The following RHBDD1 variants were observed in gnomAD, a reference collection of about 807,000 sequenced individuals.
The protein encoded by RHBDD1 is rhomboid-related protein 4.
Under a neutral mutation model 36.3 loss-of-function variants are expected in RHBDD1, and 38 were observed. The ratio of observed to expected loss-of-function variants is 1.05; its 90% CI spans 0.81 to 1.37. RHBDD1 has a LOEUF of 1.37. Ranked by LOEUF, RHBDD1 falls within the 40% of genes most tolerant of loss-of-function variation. The probability of loss-of-function intolerance (pLI) is 0.00; values close to 1 mark genes in which losing one functional copy is unlikely to be tolerated. For synonymous variants in RHBDD1, 151 were observed against 136.5 expected (o/e 1.11, Z -0.74); for missense variants, 393 against 377.6 (o/e 1.04, Z -0.34).
At chr2:226,820,456 A>G in the RHBDD1 span, among the ~76,000 whole-genome samples, 1 of 152,116 alleles carries the variant, frequency 6.6e-6, no homozygotes, top group Non-Finnish European at 1.5e-5. Context: ...GCTCAGTCTT[A>G]TATTTCTCAG....
At chr2:226,914,516 A>G (rs950494017) in intron 8 of RHBDD1, 165 bp downstream of exon 8, 10 of 704,220 alleles carry the variant, frequency 1.4e-5, no homozygotes, top group Admixed American at 6.3e-5. Context: ...GTGTGATGCC[A>G]TATTCCCAGC....
intron 1 of RHBDD1, among the ~76,000 whole-genome samples, chr2:226,836,658 CTT>C (rs1381691956): frequency 6.6e-6 from 1 of 152,192 alleles, no homozygotes; most frequent in African/African-American, 2.4e-5. Flanking sequence ...AGCATAAACT[CTT>C]TTGAAGACTC....
intron 8 of RHBDD1, among the ~76,000 whole-genome samples, chr2:226,983,611 T>A (rs1375083303): frequency 6.6e-6 from 1 of 152,238 alleles, no homozygotes; most frequent in Non-Finnish European, 1.5e-5. Context: ...CTTTTCCCAC[T>A]GGCTTGTCTT....
chr2:226,988,153 C>T (rs1957410443), intron 8 of RHBDD1, among the ~76,000 whole-genome samples: 1 of 152,206 alleles, frequency 6.6e-6, no homozygotes, highest in South Asian at 2.1e-4. Flanking sequence ...CATTTAAACA[C>T]TCTTGCCCTC....
At position 226,997,130 on chromosome 2, in the gene RHBDD1, G is replaced by A. The variant is rs773800341; in HGVS notation, c.*1608G>A. The A allele has an allele frequency of 3.3e-5, 5 of 152,212 alleles. No homozygotes were observed. The highest frequency in any genetic ancestry group is 7.3e-5 in the Non-Finnish European group (5 of 68,044). The allele number at this position is 152,212 out of a possible 1,614,324, so 9.4% of individuals were successfully genotyped here. On this transcript the variant is annotated 3_prime_UTR_variant, in exon 9 of 9. Transcript: ENST00000392062. ...TAAGAAAACCACTGGAGCCTTGGGA[G>A]CTCTTTGGCCTCCTGGCTGGCCCAG...
chr2:226,857,100 T>A (rs1296382188), intron 3 of RHBDD1, among the ~76,000 whole-genome samples: 1 of 97,052 alleles, frequency 1.0e-5, no homozygotes, highest in African/African-American at 1.2e-4. Context: ...TAAGAGAGTG[T>A]GTGTGTGTGT....
intron 8 of RHBDD1, among the ~76,000 whole-genome samples, chr2:226,933,494 C>G (rs1415042270): frequency 6.6e-6 from 1 of 152,056 alleles, no homozygotes; most frequent in Non-Finnish European, 1.5e-5. Context: ...CCCTTGCTGG[C>G]TTACAGTCAG....
chr2:226,883,520 GT>G (rs1238093748), intron 5 of RHBDD1, among the ~76,000 whole-genome samples: 1 of 152,170 alleles, frequency 6.6e-6, no homozygotes, highest in Non-Finnish European at 1.5e-5. Flanking sequence ...GGAAGCAGCT[GT>G]TTTTCTAGTT....
intron 5 of RHBDD1, among the ~76,000 whole-genome samples, chr2:226,894,675 A>G (rs1471875461): frequency 6.6e-6 from 1 of 152,194 alleles, no homozygotes; most frequent in Non-Finnish European, 1.5e-5. Context: ...GTGTACACAA[A>G]GTGTACAAGA....
chr2:226,818,910 A>G, the RHBDD1 span, among the ~76,000 whole-genome samples: 2 of 152,206 alleles, frequency 1.3e-5, no homozygotes, highest in Non-Finnish European at 2.9e-5. Context: ...CATGATTTCT[A>G]CAAGACCTCA....
the RHBDD1 span, among the ~76,000 whole-genome samples, chr2:226,825,887 G>A: frequency 2.6e-5 from 4 of 152,234 alleles, no homozygotes; most frequent in South Asian, 4.1e-4. Context: ...GCAGTCACTC[G>A]AAAAATGGTC....
the RHBDD1 span, among the ~76,000 whole-genome samples, chr2:226,828,276 G>A: frequency 6.6e-6 from 1 of 152,154 alleles, no homozygotes; most frequent in South Asian, 2.1e-4. Context: ...AGGCTCATCC[G>A]TGTTATAGGA....
intron 5 of RHBDD1, among the ~76,000 whole-genome samples, chr2:226,884,546 C>A (rs1946056594): frequency 6.6e-6 from 1 of 152,004 alleles, no homozygotes; most frequent in African/African-American, 2.4e-5. Context: ...ACACATGGGT[C>A]AAATAAATAA....
chr2:226,864,999 A>C lies in RHBDD1; in HGVS notation c.306A>C (p.Arg102Ser). 6.2e-7 allele frequency: 1 copy of C among 1,614,214 alleles called. No homozygotes were observed. Among genetic ancestry groups the C allele is most frequent in the Non-Finnish European group, 8.5e-7 (1 of 1,180,024 alleles). ...ATCTAGAAAGAAGACTGGGAAGTAGATGGTTTGCCTATGTTATCACCGCAT... is the reference window on the plus strand; with the variant it reads ...ATCTAGAAAGAAGACTGGGAAGTAGCTGGTTTGCCTATGTTATCACCGCAT... Reference protein sequence around the residue: ...GINLERRLGSRWFAYVITAFS... With the variant: ...GINLERRLGSSWFAYVITAFS... The change falls in exon 4 of 9, where the codon AGA (arginine) becomes AGC (serine). Residue 102 changes from arginine to serine, a missense_variant. Transcript: ENST00000392062.
At chr2:226,872,928 CA>C (rs1202248943) in intron 5 of RHBDD1, among the ~76,000 whole-genome samples, 121 of 152,320 alleles carry the variant, frequency 7.9e-4, no homozygotes, top group African/African-American at 2.8e-3. Flanking sequence ...GCATATACTG[CA>C]TTATCATATA....
chr2:226,903,319 C>A (rs1275871510), intron 5 of RHBDD1, among the ~76,000 whole-genome samples: 2 of 152,296 alleles, frequency 1.3e-5, no homozygotes, highest in East Asian at 3.9e-4. Flanking sequence ...TTAAATTTCA[C>A]ACTGCTCTGC....
intron 8 of RHBDD1, among the ~76,000 whole-genome samples, chr2:226,922,295 C>T (rs1422425559): frequency 6.8e-6 from 1 of 148,012 alleles, no homozygotes; most frequent in African/African-American, 2.5e-5. Flanking sequence ...GTAAGTTCCA[C>T]CTCCCGGGTT....
At chr2:226,977,746 T>G (rs1475404678) in intron 8 of RHBDD1, among the ~76,000 whole-genome samples, 1 of 152,244 alleles carries the variant, frequency 6.6e-6, no homozygotes, top group Non-Finnish European at 1.5e-5. Context: ...CATTGCTAAT[T>G]GAAGAAATCT....
intron 8 of RHBDD1, among the ~76,000 whole-genome samples, chr2:226,953,194 A>G (rs1046343846): frequency 6.6e-6 from 1 of 152,090 alleles, no homozygotes; most frequent in Non-Finnish European, 1.5e-5. Context: ...GCCTTTTAAC[A>G]TGTTTCTTAT....
Sources: allele counts gnomAD v4.1 joint callset (sites outside exome capture counted in the v4.1 genomes callset), GRCh38; gene constraint gnomAD v4.1.1; transcripts MANE v1.5; gene names NCBI Gene and HGNC (gene_info 2026-07-23, HGNC 2026-07-21).